Variants in KLHL1 observed in about 807,000 individuals in gnomAD.
KLHL1 encodes kelch-like protein 1.
A neutral mutation model predicts 77.7 loss-of-function variants in KLHL1; 47 were observed. The ratio of observed to expected loss-of-function variants is 0.60; its 90% confidence interval spans 0.48 to 0.77. KLHL1 has a LOEUF of 0.77. KLHL1 is among the 30% of genes least tolerant of loss of function. The probability of loss-of-function intolerance (pLI) is 0.00; values close to 1 mark genes in which losing one functional copy is unlikely to be tolerated. For synonymous variants in KLHL1, 360 were observed against 325.2 expected (o/e 1.11, Z -1.15); for missense variants, 925 against 910.8 (o/e 1.02, Z -0.20).
At chr13:69,892,022 A>C (rs533356036) in intron 4 of KLHL1, among the ~76,000 whole-genome samples, 1 of 152,194 alleles carries the variant, frequency 6.6e-6, no homozygotes, top group African/African-American at 2.4e-5. Context: ...TGCATGTATA[A>C]ATTATTAGAG....
chr13:69,898,756 C>G (rs1417648356), intron 4 of KLHL1, among the ~76,000 whole-genome samples: 3 of 152,184 alleles, frequency 2.0e-5, no homozygotes, highest in Admixed American at 2.0e-4. Flanking sequence ...GCCATTGCCT[C>G]TTCTGACAAA....
intron 7 of KLHL1, among the ~76,000 whole-genome samples, chr13:69,778,525 A>G (rs1359803686): frequency 6.6e-6 from 1 of 152,136 alleles, no homozygotes; most frequent in Non-Finnish European, 1.5e-5. Context: ...AATTATCAAG[A>G]CAGATAAGAC....
At chr13:69,743,603 G>A (rs889231324) in intron 7 of KLHL1, among the ~76,000 whole-genome samples, 8 of 151,930 alleles carry the variant, frequency 5.3e-5, no homozygotes, top group East Asian at 1.9e-4. Context: ...TGGCCAACAA[G>A]GCAAAAATCT....
chr13:69,754,181 C>T lies in KLHL1; in HGVS notation c.1640-13625G>A, dbSNP rs559996810. ...TGAATGTACTTCAGTAGGAGCTACC[C>T]TTTAAGAAATGATAGGATTATTAAT... On this transcript the variant is annotated intron_variant, in intron 7 of 10. Transcript: ENST00000377844. Among the ~76,000 whole-genome samples the T allele has an allele frequency of 2.0e-4, 30 of 152,036 alleles. No individual in the cohort carries two copies. In the South Asian group the frequency reaches 2.5e-3, roughly 13 times the overall value.
At chr13:69,888,562 A>G (rs576788850) in intron 4 of KLHL1, among the ~76,000 whole-genome samples, 1 of 152,254 alleles carries the variant, frequency 6.6e-6, no homozygotes, top group East Asian at 1.9e-4. Context: ...GGCAGAGATT[A>G]TGTGTAGTTA....
intron 4 of KLHL1, among the ~76,000 whole-genome samples, chr13:69,911,828 C>T (rs1248261658): frequency 6.6e-6 from 1 of 152,056 alleles, no homozygotes; most frequent in African/African-American, 2.4e-5. Context: ...TACAAAATCT[C>T]CCAAATTTAC....
intron 7 of KLHL1, among the ~76,000 whole-genome samples, chr13:69,789,146 A>AATTAAATCATTGCATGAATTTAATT (rs1360758942): frequency 3.3e-5 from 5 of 152,118 alleles, no homozygotes; most frequent in Non-Finnish European, 7.4e-5. Context: ...AAAATACTTT[A>AATTAAATCATTGCATGAATTTAATT]ATTAAATCAT....
chr13:70,043,585 C>T (rs1468929924), intron 1 of KLHL1, among the ~76,000 whole-genome samples: 1 of 152,026 alleles, frequency 6.6e-6, no homozygotes, highest in African/African-American at 2.4e-5. Flanking sequence ...ACAGGTATAC[C>T]ATTTTTTATC....
intron 7 of KLHL1, among the ~76,000 whole-genome samples, chr13:69,779,234 A>C (rs751566074): frequency 4.6e-5 from 7 of 152,218 alleles, no homozygotes; most frequent in Admixed American, 4.6e-4. Context: ...TACGAATTCA[A>C]AAGGCCACAG....
At chr13:70,058,364 G>A (rs745685208) in intron 1 of KLHL1, among the ~76,000 whole-genome samples, 17 of 152,104 alleles carry the variant, frequency 1.1e-4, no homozygotes, top group Non-Finnish European at 2.2e-4. Flanking sequence ...TATTATAATT[G>A]ATAAATTCAG....
At chr13:70,063,624 G>C (rs1405580310) in intron 1 of KLHL1, among the ~76,000 whole-genome samples, 1 of 151,814 alleles carries the variant, frequency 6.6e-6, no homozygotes, top group East Asian at 1.9e-4. Context: ...CAAAATTTCT[G>C]ATTTTACAAT....
chr13:69,943,954 T>C (rs1169222055), intron 3 of KLHL1, among the ~76,000 whole-genome samples: 1 of 152,162 alleles, frequency 6.6e-6, no homozygotes, highest in Admixed American at 6.6e-5. Context: ...ATTGGGAAGG[T>C]GACTTCCTGT....
intron 1 of KLHL1, among the ~76,000 whole-genome samples, chr13:70,070,570 G>T (rs1566550143): frequency 6.6e-6 from 1 of 151,870 alleles, no homozygotes; most frequent in Admixed American, 6.6e-5. Flanking sequence ...AAAATACAAA[G>T]AATTTGTTGC....
At chr13:70,011,958 G>T (rs1364689054) in intron 1 of KLHL1, among the ~76,000 whole-genome samples, 1 of 152,158 alleles carries the variant, frequency 6.6e-6, no homozygotes, top group African/African-American at 2.4e-5. Flanking sequence ...AGCCAGTCAT[G>T]TCTTACATGG....
intron 10 of KLHL1, among the ~76,000 whole-genome samples, chr13:69,704,021 T>C (rs1467288113): frequency 6.6e-6 from 1 of 151,714 alleles, no homozygotes; most frequent in African/African-American, 2.4e-5. Context: ...AATTGTATTT[T>C]TGGCAACTTT....
intron 1 of KLHL1, among the ~76,000 whole-genome samples, chr13:70,001,408 C>G (rs1885283810): frequency 6.6e-6 from 1 of 150,986 alleles, no homozygotes; most frequent in Non-Finnish European, 1.5e-5. Context: ...GAGCCTAGTA[C>G]AATTCAATTT....
intron 5 of KLHL1, among the ~76,000 whole-genome samples, chr13:69,847,920 T>C (rs1879533770): frequency 6.6e-6 from 1 of 151,574 alleles, no homozygotes; most frequent in Non-Finnish European, 1.5e-5. Context: ...TTTCAATGTC[T>C]TATAAATATA....
At chr13:70,029,501 C>G (rs7332307) in intron 1 of KLHL1, among the ~76,000 whole-genome samples, 93,061 of 152,008 alleles carry the variant, frequency 0.61, 30,256 homozygotes, top group East Asian at 0.81. Flanking sequence ...TCCAGCCAAA[C>G]TAAGCTTCAT....
intron 10 of KLHL1, among the ~76,000 whole-genome samples, chr13:69,703,009 T>A (rs1875468382): frequency 6.6e-6 from 1 of 151,714 alleles, no homozygotes; most frequent in Admixed American, 6.6e-5. Context: ...TTTACCTGAC[T>A]CCAAAATGCA....
Sources: allele counts gnomAD v4.1 joint callset (sites outside exome capture counted in the v4.1 genomes callset), GRCh38; gene constraint gnomAD v4.1.1; transcripts MANE v1.5; gene names NCBI Gene and HGNC (gene_info 2026-07-23, HGNC 2026-07-21).